GSAP: variants seen among roughly 807,000 people sequenced by gnomAD.
GSAP encodes gamma-secretase activating protein, also known as gamma-secretase-activating protein.
Under a neutral mutation model 131.7 loss-of-function variants are expected in GSAP, and 118 were observed. The observed-to-expected ratio is 0.90, with a 90% CI of 0.77 to 1.04. GSAP has a LOEUF of 1.04. Among genes scored for constraint, GSAP ranks in the 50% least tolerant of loss-of-function variants. The pLI, the probability that GSAP is intolerant of heterozygous loss-of-function variation, is 0.00. For missense variants in GSAP, 1,019 were observed against 1,013.2 expected, an observed-to-expected ratio of 1.01 and a Z score of -0.08; for synonymous variants, 381 against 363.4, an observed-to-expected ratio of 1.05 and a Z score of -0.55.
intron 28 of GSAP, among the ~76,000 whole-genome samples, chr7:77,313,092 G>C (rs1794589038): frequency 6.6e-6 from 1 of 152,186 alleles, no homozygotes; most frequent in African/African-American, 2.4e-5. Context: ...TAGAAATGCA[G>C]TAAGGGGAAA....
intron 24 of GSAP, among the ~76,000 whole-genome samples, chr7:77,321,759 T>C (rs752512999): frequency 6.6e-6 from 1 of 152,022 alleles, no homozygotes; most frequent in Non-Finnish European, 1.5e-5. Flanking sequence ...GAGCCAACAG[T>C]GGACAGTCAG....
intron 30 of GSAP, 163 bp downstream of exon 30, chr7:77,311,678 T>TTACTC: frequency 3.4e-6 from 2 of 590,812 alleles, no homozygotes; most frequent in Middle Eastern, 2.7e-4. Flanking sequence ...ATTTGGTAAT[T>TTACTC]TACTCTAGGT....
chr7:77,401,598 A>G (rs1801325636), intron 3 of GSAP, among the ~76,000 whole-genome samples: 1 of 152,234 alleles, frequency 6.6e-6, no homozygotes, highest in Non-Finnish European at 1.5e-5. Context: ...ATGGTTAAAA[A>G]AAGTTCTTGA....
chr7:77,385,169 G>A (rs1046766804), intron 6 of GSAP, among the ~76,000 whole-genome samples: 1 of 151,964 alleles, frequency 6.6e-6, no homozygotes, highest in African/African-American at 2.4e-5. Context: ...GAGTAGATGG[G>A]ATTACAGTAG....
intron 5 of GSAP, among the ~76,000 whole-genome samples, chr7:77,394,028 A>C (rs186746131): frequency 3.3e-5 from 5 of 152,328 alleles, no homozygotes; most frequent in Admixed American, 3.3e-4. Context: ...ACAGCCACTT[A>C]GCCCTTGCTT....
At chr7:77,325,068 G>A (rs957465689) in intron 23 of GSAP, among the ~76,000 whole-genome samples, 8 of 151,922 alleles carry the variant, frequency 5.3e-5, no homozygotes, top group African/African-American at 1.2e-4. Flanking sequence ...CACCCACCTC[G>A]GCCTCCCAAA....
chr7:77,402,469 C>T (rs1034528206), intron 3 of GSAP, among the ~76,000 whole-genome samples: 5 of 148,688 alleles, frequency 3.4e-5, no homozygotes, highest in Non-Finnish European at 7.5e-5. Context: ...GTGGCACACA[C>T]CTGTAGTTCC....
At chr7:77,344,313 TA>T (rs778491115) in intron 19 of GSAP, among the ~76,000 whole-genome samples, 1 of 152,174 alleles carries the variant, frequency 6.6e-6, no homozygotes, top group Non-Finnish European at 1.5e-5. Context: ...AATGGTCTTA[TA>T]AAAACACACC....
chr7:77,367,264 G>A (rs1463026005), intron 12 of GSAP, among the ~76,000 whole-genome samples: 6 of 152,202 alleles, frequency 3.9e-5, no homozygotes, highest in African/African-American at 1.2e-4. Context: ...GGAGTGGTGA[G>A]AGAGGACATC....
At chr7:77,344,029 C>G (rs1485474417) in intron 19 of GSAP, among the ~76,000 whole-genome samples, 1 of 152,116 alleles carries the variant, frequency 6.6e-6, no homozygotes, top group Non-Finnish European at 1.5e-5. Context: ...CTCACATGCC[C>G]GGAGTCAGGA....
intron 1 of GSAP, among the ~76,000 whole-genome samples, chr7:77,413,466 C>T (rs546657045): frequency 9.9e-4 from 151 of 152,338 alleles, no homozygotes; most frequent in African/African-American, 3.5e-3. Context: ...AAAGGAAAAT[C>T]TAAGGGGTGC....
At chr7:77,408,838 A>G (rs1178562959) in intron 1 of GSAP, among the ~76,000 whole-genome samples, 1 of 152,162 alleles carries the variant, frequency 6.6e-6, no homozygotes, top group Non-Finnish European at 1.5e-5. Context: ...TCTGTAACTC[A>G]GCAAATTTCT....
intron 1 of GSAP, among the ~76,000 whole-genome samples, chr7:77,407,083 C>T (rs1349532392): frequency 6.6e-6 from 1 of 152,182 alleles, no homozygotes; most frequent in Non-Finnish European, 1.5e-5. Flanking sequence ...GACCACACAC[C>T]AAGTCGGATT....
chr7:77,368,620 A>G (rs1795664774), intron 12 of GSAP, among the ~76,000 whole-genome samples: 1 of 152,212 alleles, frequency 6.6e-6, no homozygotes, highest in African/African-American at 2.4e-5. Context: ...ATTGAGAACC[A>G]CTTTTGAAAT....
intron 11 of GSAP, among the ~76,000 whole-genome samples, 155 bp downstream of exon 11, chr7:77,374,903 T>C (rs552954668): frequency 1.4e-4 from 22 of 152,334 alleles, no homozygotes; most frequent in African/African-American, 4.6e-4. Context: ...TTTGATAAAG[T>C]TGTTTATATT....
rs375280088 is a variant in GSAP at position 77,355,643 on chromosome 7, A to G, written c.1032T>C (p.Tyr344=). The G allele has an allele frequency of 1.9e-6, 3 of 1,543,586 alleles. No homozygotes were observed. The highest frequency in any genetic ancestry group is 2.7e-6 in the Non-Finnish European group (3 of 1,115,622). ...TKGITFLNLD[Y]YVAVYLPGHF... ...GACCAGGTAAGTAAACAGCCACATA[A>G]TAGTCTATAGAAGAGAAAGATTTAC... The change falls in exon 15 of 31, where the codon TAT becomes TAC. Residue 344 remains tyrosine (Y), a synonymous_variant. Coordinates refer to ENST00000257626, the MANE Select transcript of GSAP (RefSeq NM_017439.4).
intron 1 of GSAP, among the ~76,000 whole-genome samples, 163 bp from the exon 2 acceptor site, chr7:77,406,268 T>A (rs982219744): frequency 1.1e-4 from 16 of 152,170 alleles, no homozygotes; most frequent in African/African-American, 3.9e-4. Context: ...GTACAAACAG[T>A]AGTAACCTTT....
intron 10 of GSAP, 21 bp downstream of exon 10, chr7:77,376,827 G>A (rs1796963073): frequency 9.0e-7 from 1 of 1,113,978 alleles, no homozygotes; most frequent in South Asian, 1.4e-5. Flanking sequence ...TTCCTGTAGT[G>A]TGATCATTTT....
chr7:77,375,574 G>T (rs58178626), intron 10 of GSAP, among the ~76,000 whole-genome samples: 14,783 of 152,240 alleles, frequency 0.097, 786 homozygotes, highest in South Asian at 0.19. Flanking sequence ...GGCCGGCATG[G>T]TGGCTCACGC....
Sources: gnomAD v4.1 joint callset for allele counts (sites outside exome capture counted in the v4.1 genomes callset) on GRCh38, gnomAD v4.1.1 for gene constraint, MANE v1.5 for transcripts, NCBI Gene and HGNC (gene_info 2026-07-23, HGNC 2026-07-21) for gene names.